Variants in CACHD1 observed in about 807,000 individuals in gnomAD.
CACHD1 encodes cache domain containing 1.
A neutral mutation model predicts 138.7 loss-of-function variants in CACHD1; 71 were observed. The ratio of observed to expected loss-of-function variants is 0.51; its 90% CI spans 0.42 to 0.62. The LOEUF (loss-of-function observed/expected upper bound fraction) is 0.62. CACHD1 is among the 20% of genes least tolerant of loss of function. The pLI is 0.00. For synonymous variants in CACHD1, 578 were observed against 591.5 expected (o/e 0.98, Z 0.33); for missense variants, 1,389 against 1,625.3 (o/e 0.85, Z 2.50).
At chr1:64,642,237 G>T (rs1453895323) in intron 8 of CACHD1, among the ~76,000 whole-genome samples, 3 of 152,028 alleles carry the variant, frequency 2.0e-5, no homozygotes, top group Non-Finnish European at 4.4e-5. Flanking sequence ...GCGTCCCCCT[G>T]CCCCACCTTT....
chr1:64,678,006 A>G (rs915696439), intron 22 of CACHD1, among the ~76,000 whole-genome samples, 153 bp from the exon 23 acceptor site: 1 of 152,178 alleles, frequency 6.6e-6, no homozygotes, highest in Non-Finnish European at 1.5e-5. Context: ...GTCTATTGCT[A>G]TTCTCATTTT....
Position 64,492,960 on chromosome 1 carries a change from T to C in CACHD1, c.198+22018T>C, listed in dbSNP as rs565520890. 8.5e-5 allele frequency among the ~76,000 whole-genome samples: 13 copies of C among 152,318 alleles called. No individual in the cohort carries two copies. The South Asian group carries it at 1.5e-3, about 17-fold the overall frequency. On this transcript the variant is annotated intron_variant, in intron 1 of 26. Transcript: ENST00000651257. ...GCTTTCCCTGAATCCCTACCTTCAA[T>C]AGTGCCCAGGCCAAAACTAGGCCCT...
At chr1:64,506,639 C>T (rs373397924) in intron 1 of CACHD1, among the ~76,000 whole-genome samples, 2 of 152,036 alleles carry the variant, frequency 1.3e-5, no homozygotes, top group Admixed American at 6.5e-5. Context: ...TTTTTCCTAG[C>T]TGGAATTAAG....
At chr1:64,483,573 G>A (rs1055789261) in intron 1 of CACHD1, among the ~76,000 whole-genome samples, 1 of 151,588 alleles carries the variant, frequency 6.6e-6, no homozygotes, top group African/African-American at 2.4e-5. Context: ...GCTGGGTGTG[G>A]TGGCTCACTT....
intron 26 of CACHD1, among the ~76,000 whole-genome samples, chr1:64,684,363 C>CT (rs397980387): frequency 0.089 from 4,908 of 55,086 alleles, 289 homozygotes; most frequent in African/African-American, 0.16. Flanking sequence ...TCTTCTTCTT[C>CT]TTTTTTTTTT....
At chr1:64,659,060 G>A (rs1167467490) in intron 13 of CACHD1, among the ~76,000 whole-genome samples, 187 bp downstream of exon 13, 1 of 152,132 alleles carries the variant, frequency 6.6e-6, no homozygotes, top group Non-Finnish European at 1.5e-5. Context: ...CAGACTCTGA[G>A]ACAAGGTTTC....
At chr1:64,664,177 A>G (rs940447584) in intron 14 of CACHD1, 7 of 449,968 alleles carry the variant, frequency 1.6e-5, no homozygotes, top group Admixed American at 1.5e-4. Flanking sequence ...CGAGATAAAT[A>G]TAAGTATAAA....
At chr1:64,634,314 G>T in intron 7 of CACHD1, 54 bp downstream of exon 7, 1 of 1,226,656 alleles carries the variant, frequency 8.2e-7, no homozygotes, top group East Asian at 2.4e-5. Context: ...GATGGCAATA[G>T]GAATATATTG....
intron 1 of CACHD1, among the ~76,000 whole-genome samples, chr1:64,479,624 C>A (rs1514962): frequency 6.6e-6 from 1 of 152,002 alleles, no homozygotes; most frequent in Non-Finnish European, 1.5e-5. Flanking sequence ...ACTTGTTCTG[C>A]GGGCAGCAGA....
intron 26 of CACHD1, among the ~76,000 whole-genome samples, chr1:64,689,572 T>C (rs1557560304): frequency 6.6e-6 from 1 of 152,202 alleles, no homozygotes; most frequent in South Asian, 2.1e-4. Context: ...TAAACACAAA[T>C]GATCATGCCA....
At chr1:64,565,921 A>G (rs1471199010) in intron 2 of CACHD1, among the ~76,000 whole-genome samples, 2 of 152,212 alleles carry the variant, frequency 1.3e-5, no homozygotes, top group Non-Finnish European at 1.5e-5. Context: ...ACTGGCCGTG[A>G]TAATAATCAG....
intron 9 of CACHD1, 146 bp from the exon 10 acceptor site, chr1:64,652,015 G>T: frequency 1.6e-6 from 1 of 616,752 alleles, no homozygotes; most frequent in South Asian, 2.6e-5. Flanking sequence ...GGCAATGCTT[G>T]ATTACTGGAC....
At chr1:64,539,604 G>GT (rs1470393921) in intron 1 of CACHD1, among the ~76,000 whole-genome samples, 1 of 152,188 alleles carries the variant, frequency 6.6e-6, no homozygotes, top group African/African-American at 2.4e-5. Context: ...GCAGGCCAAT[G>GT]TGTAGTGAGT....
At chr1:64,617,662 T>C (rs1285603628) in intron 4 of CACHD1, among the ~76,000 whole-genome samples, 1 of 152,176 alleles carries the variant, frequency 6.6e-6, no homozygotes, top group African/African-American at 2.4e-5. Flanking sequence ...ACTTTTGCAA[T>C]GGGCCTTAAC....
At chr1:64,567,055 G>A (rs1396547742) in intron 2 of CACHD1, among the ~76,000 whole-genome samples, 1 of 152,114 alleles carries the variant, frequency 6.6e-6, no homozygotes, top group Non-Finnish European at 1.5e-5. Context: ...TCACACTGTA[G>A]TGCTCTGTAG....
intron 1 of CACHD1, among the ~76,000 whole-genome samples, chr1:64,514,537 G>A (rs1279086700): frequency 1.3e-5 from 2 of 152,172 alleles, no homozygotes; most frequent in African/African-American, 4.8e-5. Flanking sequence ...AACTGAACTG[G>A]GCAGTGGGGG....
chr1:64,528,163 T>A (rs1241902185), intron 1 of CACHD1, among the ~76,000 whole-genome samples: 1 of 152,232 alleles, frequency 6.6e-6, no homozygotes, highest in Non-Finnish European at 1.5e-5. Flanking sequence ...ATGGATATTA[T>A]TATCTCAACA....
At chr1:64,579,608 A>G (rs1379083454) in intron 2 of CACHD1, among the ~76,000 whole-genome samples, 2 of 152,164 alleles carry the variant, frequency 1.3e-5, no homozygotes, top group East Asian at 1.9e-4. Context: ...CCTACAAAGA[A>G]AAGGTAGAAC....
chr1:64,624,401 G>T (rs1209229473), intron 4 of CACHD1, among the ~76,000 whole-genome samples: 1 of 152,160 alleles, frequency 6.6e-6, no homozygotes, highest in Non-Finnish European at 1.5e-5. Flanking sequence ...TGTTACAGAT[G>T]TTACTTTTAA....
Sources: allele counts gnomAD v4.1 joint callset (sites outside exome capture counted in the v4.1 genomes callset), GRCh38; gene constraint gnomAD v4.1.1; transcripts MANE v1.5; gene names NCBI Gene and HGNC (gene_info 2026-07-23, HGNC 2026-07-21).